The following SYN3 variants were observed in gnomAD, a reference collection of about 807,000 sequenced individuals.
SYN3 encodes the protein synapsin-3.
A neutral mutation model predicts 65.8 loss-of-function variants in SYN3; 35 were observed. That is an observed-to-expected ratio of 0.53 (90% CI 0.41 to 0.70). The LOEUF (loss-of-function observed/expected upper bound fraction) is 0.70, where lower values mean the gene tolerates loss of function less well. Ranked by LOEUF, SYN3 falls within the 30% of genes least tolerant of loss-of-function variation. The pLI is 0.00. For missense variants in SYN3, 680 were observed against 749.0 expected (o/e 0.91, Z 1.08); for synonymous variants, 270 against 292.9 (o/e 0.92, Z 0.80).
chr22:32,988,384 A>G (rs1482580095), intron 2 of SYN3, among the ~76,000 whole-genome samples: 2 of 151,032 alleles, frequency 1.3e-5, no homozygotes, highest in Non-Finnish European at 3.0e-5. Context: ...TATGAATAAA[A>G]TGCACAACCA....
chr22:32,872,778 C>T (rs2146366941), intron 4 of SYN3, among the ~76,000 whole-genome samples: 1 of 152,204 alleles, frequency 6.6e-6, no homozygotes, highest in South Asian at 2.1e-4. Flanking sequence ...GTCCTGCAGT[C>T]ACCCCAACAT....
intron 6 of SYN3, among the ~76,000 whole-genome samples, chr22:32,822,908 A>AAAC (rs201183941): frequency 2.7e-5 from 4 of 149,968 alleles, no homozygotes; most frequent in Non-Finnish European, 5.9e-5. Flanking sequence ...AATTTGTTAA[A>AAAC]AACAACAACA....
intron 13 of SYN3, among the ~76,000 whole-genome samples, chr22:32,516,574 G>A (rs1362209715): frequency 6.6e-6 from 1 of 152,118 alleles, no homozygotes; most frequent in Non-Finnish European, 1.5e-5. Flanking sequence ...ATGTTGGCCA[G>A]GCTGGTCTCA....
chr22:32,591,008 A>T (rs1339127004), intron 7 of SYN3, among the ~76,000 whole-genome samples: 2 of 152,240 alleles, frequency 1.3e-5, no homozygotes, highest in Non-Finnish European at 2.9e-5. Flanking sequence ...TGTTTCAGGC[A>T]CTGAGCTATG....
At chr22:32,844,330 A>G (rs529766610) in intron 6 of SYN3, among the ~76,000 whole-genome samples, 3 of 152,306 alleles carry the variant, frequency 2.0e-5, no homozygotes, top group Non-Finnish European at 2.9e-5. Context: ...TGGAAACTCA[A>G]TCCCAATTGC....
At chr22:32,814,139 T>TGA (rs1357853718) in intron 6 of SYN3, among the ~76,000 whole-genome samples, 3 of 90,518 alleles carry the variant, frequency 3.3e-5, no homozygotes, top group African/African-American at 4.4e-5. Context: ...TGTGTGTGTG[T>TGA]GTGAGAGAGA....
intron 6 of SYN3, among the ~76,000 whole-genome samples, chr22:32,733,179 G>A (rs2061292940): frequency 1.3e-5 from 2 of 152,202 alleles, no homozygotes; most frequent in Admixed American, 6.5e-5. Context: ...CTCTTGAGAA[G>A]TCTAAATCTA....
Position 32,527,957 on chromosome 22 carries a change from GC to G in SYN3, c.1278del (p.Pro427LeufsTer3). On this transcript the variant is annotated frameshift_variant, in exon 12 of 14. Transcript: ENST00000358763. LOFTEE classifies it high-confidence loss of function. ...CGTGGCTGGGGCTGGCCTAGCTGAG[GC>G]CCCAGCTGGGCTTGCCCTGGGGATT... ...SAKSPGQAQL[G>X]PQLGQPQPRP... The G allele has an allele frequency of 6.3e-7, 1 of 1,591,840 alleles. No homozygotes were observed. Among genetic ancestry groups the G allele is most frequent in the Non-Finnish European group, 8.6e-7 (1 of 1,167,992 alleles).
chr22:32,887,414 G>A (rs905549007), intron 4 of SYN3, among the ~76,000 whole-genome samples: 10 of 151,730 alleles, frequency 6.6e-5, no homozygotes, highest in African/African-American at 1.7e-4. Context: ...GCAACTTCCC[G>A]CTGATAACCA....
At chr22:32,541,165 CA>C (rs1194608219) in intron 8 of SYN3, among the ~76,000 whole-genome samples, 1 of 152,174 alleles carries the variant, frequency 6.6e-6, no homozygotes. Flanking sequence ...CTGCACCTCC[CA>C]GCCTCATGGT....
chr22:32,853,358 G>A lies in SYN3; in HGVS notation c.711+11557C>T, dbSNP rs193055300. Among the ~76,000 whole-genome samples the A allele has an allele frequency of 1.2e-4, 18 of 152,324 alleles. No homozygotes were observed. The East Asian group carries it at 1.7e-3, about 15-fold the overall frequency. On this transcript the variant is annotated intron_variant, in intron 6 of 13. Transcript: ENST00000358763. ...AGAATTTGTGGGTTTAAATGAGTCC[G>A]TGATGTACACCAGCATCCAGAACAG...
intron 6 of SYN3, among the ~76,000 whole-genome samples, chr22:32,607,662 C>T (rs2059390278): frequency 6.6e-6 from 1 of 152,188 alleles, no homozygotes; most frequent in African/African-American, 2.4e-5. Flanking sequence ...GAAATCTGCC[C>T]TACCAAAAAA....
At chr22:32,727,714 T>C (rs2061214943) in intron 6 of SYN3, among the ~76,000 whole-genome samples, 1 of 152,242 alleles carries the variant, frequency 6.6e-6, no homozygotes, top group Admixed American at 6.5e-5. Flanking sequence ...TAGTTTGGAT[T>C]TGCATTTCTC....
At chr22:32,645,883 A>C (rs2059976538) in intron 6 of SYN3, among the ~76,000 whole-genome samples, 1 of 145,808 alleles carries the variant, frequency 6.9e-6, no homozygotes, top group Admixed American at 6.9e-5. Context: ...AGGTAAATCC[A>C]CAAAAGGGGA....
rs568306791 is a variant in SYN3 at position 32,782,044 on chromosome 22, AG to A, written c.711+82870del. The stretch of plus-strand genomic sequence containing the variant: ...TCTGAAGGAAAATTCCATAGTAAGA[AG>A]GAAACAAAATAAGTTTCAGGCTCTG... On this transcript the variant is annotated intron_variant, in intron 6 of 13. Coordinates refer to ENST00000358763, the MANE Select transcript of SYN3 (RefSeq NM_003490.4). Among the ~76,000 whole-genome samples, 5 of 151,868 alleles carry A rather than the reference AG, an allele frequency of 3.3e-5. No individual in the cohort carries two copies. The East Asian group carries it at 9.7e-4, about 30-fold the overall frequency.
chr22:32,800,413 C>T (rs1047070453), intron 6 of SYN3, among the ~76,000 whole-genome samples: 2 of 152,180 alleles, frequency 1.3e-5, no homozygotes, highest in African/African-American at 4.8e-5. Context: ...TCCTGGCTGG[C>T]CACCAATCAT....
At chr22:32,764,098 C>T (rs571801206) in intron 6 of SYN3, among the ~76,000 whole-genome samples, 74 of 152,188 alleles carry the variant, frequency 4.9e-4, no homozygotes, top group African/African-American at 1.7e-3. Context: ...CCACCACACC[C>T]AGCTAATTTT....
At chr22:32,897,322 A>G (rs756677090) in intron 4 of SYN3, among the ~76,000 whole-genome samples, 4 of 152,150 alleles carry the variant, frequency 2.6e-5, no homozygotes, top group Non-Finnish European at 4.4e-5. Flanking sequence ...AGCCCCACAC[A>G]TCCAAGGAGG....
chr22:32,973,898 C>T lies in SYN3; in HGVS notation c.369+6747G>A, dbSNP rs185167486. Among the ~76,000 whole-genome samples, 547 of 152,362 alleles carry T rather than the reference C, an allele frequency of 3.6e-3. 11 individuals are homozygous for T. The highest frequency in any genetic ancestry group is 0.03 in the Admixed American group (463 of 15,308). On this transcript the variant is annotated intron_variant, in intron 3 of 13. Transcript: ENST00000358763. ...CTGCCTCCTGGGTTCAAGCGATTCT[C>T]CTGCCTCAGCCTCCCAAATAGCTGG...
Sources: allele counts gnomAD v4.1 joint callset (sites outside exome capture counted in the v4.1 genomes callset), GRCh38; gene constraint gnomAD v4.1.1; transcripts MANE v1.5; gene names NCBI Gene and HGNC (gene_info 2026-07-23, HGNC 2026-07-21).